The following GLIPR1 variants were observed in gnomAD, a reference collection of about 807,000 sequenced individuals.
The protein encoded by GLIPR1 is GLI pathogenesis related 1, also known as glioma pathogenesis-related protein 1.
A neutral mutation model predicts 30.3 loss-of-function variants in GLIPR1; 38 were observed. That is an observed-to-expected ratio of 1.26 (90% CI 0.97 to 1.65). GLIPR1 has a LOEUF of 1.65. GLIPR1 is among the 40% of genes most tolerant of loss of function. The pLI, the probability that GLIPR1 is intolerant of heterozygous loss-of-function variation, is 0.00. For synonymous variants in GLIPR1, 122 were observed against 110.6 expected, an observed-to-expected ratio of 1.10 and a Z score of -0.65; for missense variants, 285 against 326.5, an observed-to-expected ratio of 0.87 and a Z score of 0.98.
chr12:75,499,778 A>G lies in GLIPR1; in HGVS notation c.*800A>G. The G allele has an allele frequency of 6.5e-7, 1 of 1,537,034 alleles. No individual in the cohort carries two copies. Among genetic ancestry groups the G allele is most frequent in the Non-Finnish European group, 8.8e-7 (1 of 1,139,210 alleles). On this transcript the variant is annotated 3_prime_UTR_variant, in exon 6 of 6. Coordinates refer to ENST00000266659, the MANE Select transcript of GLIPR1 (RefSeq NM_006851.3). ...ATATCTCAAAATCCTTTACAAAAGG[A>G]GATAGTTCTAGTCAAGGAGTTTTGG... is the stretch of plus-strand genomic sequence containing the variant.
At position 75,502,041 on chromosome 12, in the gene GLIPR1, AGAG is replaced by A. The variant is rs757066633; in HGVS notation, c.*3067_*3069del. 15 of 1,509,898 alleles carry A rather than the reference AGAG, an allele frequency of 9.9e-6. No individual in the cohort carries two copies. The highest frequency in any genetic ancestry group is 3.4e-5 in the Admixed American group (2 of 58,096). 93.5% of individuals were successfully genotyped at this position (1,509,898 alleles called of 1,614,324 possible). On this transcript the variant is annotated 3_prime_UTR_variant, in exon 6 of 6. Transcript: ENST00000266659. ...TTTACAATTACATCAGAAATAATGT[AGAG>A]GAGAAGTCATGTCCTAAGCAAGTCA...
At chr12:75,490,975 C>G (rs970361453) in intron 3 of GLIPR1, 1 of 153,450 alleles carries the variant, frequency 6.5e-6, no homozygotes, top group African/African-American at 2.4e-5. Flanking sequence ...GTTTTTAAAA[C>G]AGATATAGTT....
Position 75,499,979 on chromosome 12 carries a change from T to TAATACTTTAGATTTTA in GLIPR1, c.*1002_*1017dup. ...AGACAAATTAAAAGCACAACACATG[T>TAATACTTTAGATTTTA]AATACTTTAGATTTTACCAAGTAAA... On this transcript the variant is annotated 3_prime_UTR_variant, in exon 6 of 6. Coordinates refer to ENST00000266659, the MANE Select transcript of GLIPR1 (RefSeq NM_006851.3). 6.4e-7 allele frequency: 1 copy of TAATACTTTAGATTTTA among 1,552,414 alleles called. No individual in the cohort carries two copies. Among genetic ancestry groups the TAATACTTTAGATTTTA allele is most frequent in the Non-Finnish European group, 8.7e-7 (1 of 1,149,726 alleles).
chr12:75,490,195 T>TCACACACACACACACA (rs71829276), intron 2 of GLIPR1, among the ~76,000 whole-genome samples: 14 of 141,710 alleles, frequency 9.9e-5, no homozygotes, highest in Middle Eastern at 3.5e-3. Context: ...TTATCTTATT[T>TCACACACACACACACA]CACACACACA....
Position 75,501,931 on chromosome 12 carries a change from C to A in GLIPR1, c.*2953C>A, listed in dbSNP as rs2046397272. The A allele has an allele frequency of 1.2e-6, 2 of 1,612,344 alleles. No homozygotes were observed. The highest frequency in any genetic ancestry group is 1.3e-5 in the African/African-American group (1 of 74,822). On this transcript the variant is annotated 3_prime_UTR_variant, in exon 6 of 6. Coordinates refer to ENST00000266659, the MANE Select transcript of GLIPR1 (RefSeq NM_006851.3). Reference sequence around the variant, plus strand: ...GACATAAAGTGCCGTACCTTTATTGCTTCCATTTTCTGCCGCTTCTTCTGA... The same window carrying A: ...GACATAAAGTGCCGTACCTTTATTGATTCCATTTTCTGCCGCTTCTTCTGA...
At chr12:75,498,637 ACT>A (rs2046366748) in intron 4 of GLIPR1, 55 bp from the exon 5 acceptor site, 2 of 1,380,404 alleles carry the variant, frequency 1.4e-6, no homozygotes, top group Non-Finnish European at 2.1e-6. Context: ...TTAAAATAAA[ACT>A]CTCAACTGTG....
chr12:75,481,750 C>G, intron 1 of GLIPR1, 84 bp from the exon 2 acceptor site: 1 of 1,280,266 alleles, frequency 7.8e-7, no homozygotes, highest in Non-Finnish European at 1.1e-6. Context: ...CTTATCTCAC[C>G]TCGTTTTCCA....
Position 75,499,692 on chromosome 12 carries a change from C to T in GLIPR1, c.*714C>T, listed in dbSNP as rs1471057103. 4 of 592,072 alleles carry T rather than the reference C, an allele frequency of 6.8e-6. No homozygotes were observed. Among genetic ancestry groups the T allele is most frequent in the African/African-American group, 6.1e-5 (3 of 49,334 alleles). 36.7% of individuals were successfully genotyped at this position (592,072 alleles called of 1,614,324 possible). ...AGAACACTCTTCTATGAACAACCAC[C>T]ACCACCAAAAAAAAAAAAAGCCCTC... On this transcript the variant is annotated 3_prime_UTR_variant, in exon 6 of 6. Coordinates refer to ENST00000266659, the MANE Select transcript of GLIPR1 (RefSeq NM_006851.3).
intron 3 of GLIPR1, chr12:75,494,828 G>A (rs1594061040): frequency 6.6e-6 from 1 of 152,292 alleles, no homozygotes; most frequent in East Asian, 1.9e-4. Context: ...TCTAGTCTGT[G>A]ACCTTGGTCA....
chr12:75,480,899 A>G lies in GLIPR1; in HGVS notation c.19A>G (p.Thr7Ala), dbSNP rs2046266734. The part of the protein sequence containing the change: MRVTLA[T>A]IAWMVSFVSN... ...ACAAAGCATGCGTGTCACACTTGCTACAATAGCCTGGATGGTTTCTTTTGT... is the reference window on the plus strand; with the variant it reads ...ACAAAGCATGCGTGTCACACTTGCTGCAATAGCCTGGATGGTTTCTTTTGT... Residue 7 changes from threonine (T) to alanine (A), a missense_variant, in exon 1 of 6, where the codon ACA (threonine) becomes GCA (alanine). Physicochemically the swap from Thr to Ala is moderately conservative, Grantham distance 58. Coordinates refer to ENST00000266659, the MANE Select transcript of GLIPR1 (RefSeq NM_006851.3). 6.2e-7 allele frequency: 1 copy of G among 1,612,542 alleles called. No homozygotes were observed. Among genetic ancestry groups the G allele is most frequent in the Non-Finnish European group, 8.5e-7 (1 of 1,179,048 alleles).
intron 2 of GLIPR1, among the ~76,000 whole-genome samples, chr12:75,490,201 A>T (rs1052124543): frequency 1.3e-3 from 74 of 58,502 alleles, no homozygotes; most frequent in African/African-American, 3.9e-3. Flanking sequence ...TATTTCACAC[A>T]CACACACACA....
chr12:75,495,967 G>T, intron 4 of GLIPR1: 1 of 201,240 alleles, frequency 5.0e-6, no homozygotes, highest in Non-Finnish European at 1.0e-5. Flanking sequence ...AAGTATAACA[G>T]GTCATCCAAA....
At position 75,500,058 on chromosome 12, in the gene GLIPR1, G is replaced by T; in HGVS notation, c.*1080G>T. 1 of 804,312 alleles carries T rather than the reference G, an allele frequency of 1.2e-6. No individual in the cohort carries two copies. The highest frequency in any genetic ancestry group is 1.9e-6 in the Non-Finnish European group (1 of 531,140). 49.8% of individuals were successfully genotyped at this position (804,312 alleles called of 1,614,324 possible). On this transcript the variant is annotated 3_prime_UTR_variant, in exon 6 of 6. Transcript: ENST00000266659. ...TATGTTTAAGGCAGTTAACTTCAGAGTATTCTTATAATTGAATAATTGAAA... is the reference window on the plus strand; with the variant it reads ...TATGTTTAAGGCAGTTAACTTCAGATTATTCTTATAATTGAATAATTGAAA...
Position 75,490,497 on chromosome 12 carries a change from T to G in GLIPR1, c.512T>G (p.Phe171Cys). 1.3e-6 allele frequency: 2 copies of G among 1,560,514 alleles called. No individual in the cohort carries two copies. Among genetic ancestry groups the G allele is most frequent in the Non-Finnish European group, 1.8e-6 (2 of 1,138,282 alleles). ...GACGCTCTTTCCAATGGAGCACATT[T>G]TATATGCAACTACGGACCAGGGTAA... is the stretch of plus-strand genomic sequence containing the variant. The part of the protein sequence containing the change: ...GFDALSNGAH[F>C]ICNYGPGGNY... The change falls in exon 3 of 6, where the codon TTT becomes TGT. Residue 171 changes from phenylalanine (F) to cysteine (C), a missense_variant. Phe to Cys is a radical substitution (Grantham distance 205, BLOSUM62 -2). Transcript: ENST00000266659.
At chr12:75,484,214 C>T (rs936871745) in intron 2 of GLIPR1, 1 of 152,216 alleles carries the variant, frequency 6.6e-6, no homozygotes, top group South Asian at 2.1e-4. Flanking sequence ...ATTCTACCCC[C>T]ACTTCAGAAG....
intron 4 of GLIPR1, chr12:75,496,633 C>G (rs773355563): frequency 6.6e-6 from 1 of 152,116 alleles, no homozygotes; most frequent in Non-Finnish European, 1.5e-5. Context: ...GTGGTACTTT[C>G]GTGTCCATAT....
Position 75,500,611 on chromosome 12 carries a change from TGA to T in GLIPR1, c.*1637_*1638del, listed in dbSNP as rs1041867969. 1.3e-5 allele frequency: 2 copies of T among 152,100 alleles called. No individual in the cohort carries two copies. The highest frequency in any genetic ancestry group is 1.9e-4 in the East Asian group (1 of 5,178). 9.4% of individuals were successfully genotyped at this position (152,100 alleles called of 1,614,324 possible). ...CATTTTGGTAATAAAGACAATAATT[TGA>T]GAGTGTGTGGAAGTCCCCCTAATAG... On this transcript the variant is annotated 3_prime_UTR_variant, in exon 6 of 6. Coordinates refer to ENST00000266659, the MANE Select transcript of GLIPR1 (RefSeq NM_006851.3).
Position 75,480,926 on chromosome 12 carries a change from T to C in GLIPR1, c.46T>C (p.Ser16Pro). The change falls in exon 1 of 6, where the codon TCC becomes CCC. Residue 16 changes from serine (S) to proline (P), a missense_variant. Ser to Pro is a moderately conservative substitution (Grantham distance 74). Transcript: ENST00000266659. ...ATIAWMVSFV[S>P]NYSHTANILP... ...AATAGCCTGGATGGTTTCTTTTGTC[T>C]CCAATTATTCACACACAGCAAATAT... 1 of 1,613,806 alleles carries C rather than the reference T, an allele frequency of 6.2e-7. No individual in the cohort carries two copies. Among genetic ancestry groups the C allele is most frequent in the East Asian group, 2.2e-5 (1 of 44,874 alleles).
In GLIPR1 at chr12:75,502,789, T is replaced by C. The variant is rs1028003524; in HGVS notation, c.*3811T>C. 2.0e-5 allele frequency: 3 copies of C among 151,986 alleles called. No homozygotes were observed. The highest frequency in any genetic ancestry group is 7.2e-5 in the African/African-American group (3 of 41,408). The allele number at this position is 151,986 out of a possible 1,614,324, so 9.4% of individuals were successfully genotyped here. ...AGCTTACACAGCTACAGAAGAAAGA[T>C]AAGTCAATTACTACAAGAAAGGGCC... On this transcript the variant is annotated 3_prime_UTR_variant, in exon 6 of 6. Transcript: ENST00000266659.
Sources: allele counts gnomAD v4.1 joint callset (sites outside exome capture counted in the v4.1 genomes callset), GRCh38; gene constraint gnomAD v4.1.1; transcripts MANE v1.5; gene names NCBI Gene and HGNC (gene_info 2026-07-23, HGNC 2026-07-21).